The following GCNT1 variants were observed in gnomAD, a reference collection of about 807,000 sequenced individuals.
GCNT1 encodes the protein glucosaminyl (N-acetyl) transferase 1.
Under a neutral mutation model 26.2 loss-of-function variants are expected in GCNT1, and 16 were observed. That is an observed-to-expected ratio of 0.61 (90% CI 0.41 to 0.93). GCNT1 has a LOEUF of 0.93. GCNT1 is among the 40% of genes least tolerant of loss of function. The probability of loss-of-function intolerance (pLI) is 0.00; values close to 1 mark genes in which losing one functional copy is unlikely to be tolerated. For synonymous variants in GCNT1, 183 were observed against 190.8 expected (o/e 0.96, Z 0.34); for missense variants, 477 against 526.7 (o/e 0.91, Z 0.92).
intron 1 of GCNT1, among the ~76,000 whole-genome samples, chr9:76,428,265 CAAAAAAAAAAAAA>C (rs869195487): frequency 0.027 from 813 of 29,808 alleles, 35 homozygotes; most frequent in Middle Eastern, 0.091. Flanking sequence ...GACTCCGTCT[CAAAAAAAAAAAAA>C]AAAAAAAAAA....
chr9:76,426,549 CAGAG>C (rs560749584), intron 1 of GCNT1, among the ~76,000 whole-genome samples: 77 of 151,748 alleles, frequency 5.1e-4, no homozygotes, highest in African/African-American at 1.6e-3. Flanking sequence ...GATTGGGTGA[CAGAG>C]AGAGATCGTG....
chr9:76,395,196 G>C, the GCNT1 span, among the ~76,000 whole-genome samples: 1 of 152,118 alleles, frequency 6.6e-6, no homozygotes, highest in Non-Finnish European at 1.5e-5. Context: ...AGTAGCTCTG[G>C]GCTCACTCAC....
chr9:76,473,568 C>T (rs1364461778), intron 2 of GCNT1, among the ~76,000 whole-genome samples: 1 of 152,176 alleles, frequency 6.6e-6, no homozygotes, highest in Non-Finnish European at 1.5e-5. Flanking sequence ...TACAAGTTAG[C>T]TCACTTACTC....
At chr9:76,500,714 C>A (rs1210400450) in intron 2 of GCNT1, among the ~76,000 whole-genome samples, 1 of 151,880 alleles carries the variant, frequency 6.6e-6, no homozygotes, top group Non-Finnish European at 1.5e-5. Flanking sequence ...AGGGTGTTTT[C>A]AAATCTTTAG....
upstream of GCNT1, among the ~76,000 whole-genome samples, chr9:76,437,049 T>C (rs1213585345): frequency 6.6e-6 from 1 of 151,982 alleles, no homozygotes; most frequent in Non-Finnish European, 1.5e-5. Flanking sequence ...ATGGCACATG[T>C]ATACATATGT....
rs546205598 is a variant in GCNT1 at position 76,446,392 on chromosome 9, C to T, written c.-290+4077C>T. On this transcript the variant is annotated intron_variant, in intron 1 of 2. Coordinates refer to the GCNT1 transcript ENST00000442371. Reference sequence around the variant, plus strand: ...TGGAAAAGACGGCTGCCAAAACTCCCGCTCCATGCAATCTTCTTAGAGTTT... The same window carrying T: ...TGGAAAAGACGGCTGCCAAAACTCCTGCTCCATGCAATCTTCTTAGAGTTT... Among the ~76,000 whole-genome samples, 7 of 152,240 alleles carry T rather than the reference C, an allele frequency of 4.6e-5. No individual in the cohort carries two copies. In the South Asian group the frequency reaches 1.2e-3, roughly 27 times the overall value.
chr9:76,468,140 G>A (rs1026605245), intron 2 of GCNT1, among the ~76,000 whole-genome samples: 6 of 151,880 alleles, frequency 4.0e-5, no homozygotes, highest in South Asian at 2.1e-4. Flanking sequence ...CAGGTGATCC[G>A]CCTGCCTGGG....
intron 1 of GCNT1, among the ~76,000 whole-genome samples, chr9:76,449,312 CAA>C (rs35445634): frequency 0.28 from 42,253 of 148,362 alleles, 6,196 homozygotes; most frequent in Non-Finnish European, 0.32. Context: ...TAAAAAACAA[CAA>C]AAAAAAAAAC....
At chr9:76,448,443 C>G (rs1823612335) in intron 1 of GCNT1, among the ~76,000 whole-genome samples, 1 of 152,010 alleles carries the variant, frequency 6.6e-6, no homozygotes, top group Non-Finnish European at 1.5e-5. Context: ...CAGAGTACGA[C>G]CCCACCTCAA....
At position 76,482,410 on chromosome 9, in the gene GCNT1, A is replaced by G. The variant is rs184717421; in HGVS notation, c.-289-18506A>G. Among the ~76,000 whole-genome samples the G allele has an allele frequency of 3.6e-3, 549 of 151,658 alleles. 3 individuals carry two copies. Among genetic ancestry groups the G allele is most frequent in the Non-Finnish European group, 2.5e-3 (171 of 67,854 alleles). On this transcript the variant is annotated intron_variant, in intron 2 of 3. Transcript: ENST00000376730. ...GCTGAGGCGGGCGGATCACGAGGTCAGGAGATCGAGACCATCCTGGCTAAC... is the reference window on the plus strand; with the variant it reads ...GCTGAGGCGGGCGGATCACGAGGTCGGGAGATCGAGACCATCCTGGCTAAC...
At chr9:76,409,475 T>C in the GCNT1 span, among the ~76,000 whole-genome samples, 2 of 152,274 alleles carry the variant, frequency 1.3e-5, no homozygotes, top group African/African-American at 4.8e-5. Flanking sequence ...GAACAGAGTG[T>C]TGCTGTATCA....
the GCNT1 span, among the ~76,000 whole-genome samples, chr9:76,408,750 CA>C: frequency 6.6e-6 from 1 of 151,970 alleles, no homozygotes; most frequent in Non-Finnish European, 1.5e-5. Context: ...TAGAGTGGCA[CA>C]ATCTTGGCTC....
At chr9:76,397,444 A>ATT in the GCNT1 span, among the ~76,000 whole-genome samples, 1 of 138,364 alleles carries the variant, frequency 7.2e-6, no homozygotes, top group Non-Finnish European at 1.6e-5. Context: ...AGAAGAAAGA[A>ATT]TTTTTTTTTT....
In GCNT1 at chr9:76,503,034, G is replaced by A. The variant is rs1452603704; in HGVS notation, c.653G>A (p.Gly218Asp). ...ANWKYLINLC[G>D]MDFPIKTNLE... is the part of the protein sequence containing the mutation. Reference sequence around the variant, plus strand: ...TGGAAGTACTTGATAAATCTTTGTGGTATGGATTTTCCCATTAAAACCAAC... The same window carrying A: ...TGGAAGTACTTGATAAATCTTTGTGATATGGATTTTCCCATTAAAACCAAC... Residue 218 changes from glycine to aspartate, a missense_variant, in exon 4 of 4, where the codon GGT (glycine) becomes GAT (aspartate). Coordinates refer to ENST00000376730, the MANE Select transcript of GCNT1 (RefSeq NM_001490.5). The A allele has an allele frequency of 6.2e-7, 1 of 1,614,018 alleles. No individual in the cohort carries two copies. Among genetic ancestry groups the A allele is most frequent in the Non-Finnish European group, 8.5e-7 (1 of 1,180,020 alleles).
intron 1 of GCNT1, among the ~76,000 whole-genome samples, chr9:76,431,686 G>C (rs552843955): frequency 5.9e-5 from 9 of 152,156 alleles, no homozygotes; most frequent in Non-Finnish European, 8.8e-5. Context: ...GAAGTCGGGA[G>C]GTCAGGCTGA....
intron 2 of GCNT1, among the ~76,000 whole-genome samples, chr9:76,485,361 A>G (rs1026804865): frequency 2.6e-5 from 4 of 151,818 alleles, no homozygotes; most frequent in Non-Finnish European, 5.9e-5. Context: ...TTTAGTAGAG[A>G]CAGGGTTTTG....
intron 2 of GCNT1, among the ~76,000 whole-genome samples, chr9:76,460,709 C>T (rs993558828): frequency 1.3e-5 from 2 of 151,930 alleles, no homozygotes; most frequent in South Asian, 2.1e-4. Context: ...AAATGGCAAA[C>T]TCCTTTATTT....
intron 2 of GCNT1, among the ~76,000 whole-genome samples, chr9:76,491,158 CCTCT>C: frequency 6.6e-6 from 1 of 151,862 alleles, no homozygotes; most frequent in African/African-American, 2.4e-5. Flanking sequence ...TGTCTCTCTT[CCTCT>C]CTCTCTTTGA....
chr9:76,402,841 G>A, the GCNT1 span, among the ~76,000 whole-genome samples: 5 of 152,030 alleles, frequency 3.3e-5, no homozygotes, highest in African/African-American at 7.2e-5. Context: ...CACCACGCCC[G>A]GCTGATTTTT....
Sources: gnomAD v4.1 joint callset for allele counts (sites outside exome capture counted in the v4.1 genomes callset) on GRCh38, gnomAD v4.1.1 for gene constraint, MANE v1.5 for transcripts, NCBI Gene and HGNC (gene_info 2026-07-23, HGNC 2026-07-21) for gene names.